MSI2: variants seen among roughly 807,000 people sequenced by gnomAD.
MSI2 encodes the protein musashi RNA binding protein 2.
A neutral mutation model predicts 45.6 loss-of-function variants in MSI2; 17 were observed. That is an observed-to-expected ratio of 0.37 (90% CI 0.26 to 0.56). The LOEUF (loss-of-function observed/expected upper bound fraction) is 0.56, where lower values mean the gene tolerates loss of function less well. MSI2 is among the 20% of genes least tolerant of loss of function. The pLI, the probability that MSI2 is intolerant of heterozygous loss-of-function variation, is 0.77. For missense variants in MSI2, 293 were observed against 444.2 expected (o/e 0.66, Z 3.06); for synonymous variants, 156 against 158.2 (o/e 0.99, Z 0.11).
intron 7 of MSI2, among the ~76,000 whole-genome samples, chr17:57,530,930 A>G (rs929620953): frequency 6.6e-6 from 1 of 151,272 alleles, no homozygotes; most frequent in Non-Finnish European, 1.5e-5. Flanking sequence ...TGGGTGCACA[A>G]CAGTGGTGTC....
At position 57,364,149 on chromosome 17, in the gene MSI2, GT is replaced by G. The variant is rs536611322; in HGVS notation, c.313-37226del. Among the ~76,000 whole-genome samples the G allele has an allele frequency of 2.9e-3, 445 of 152,284 alleles. 1 individual carries two copies. The highest frequency in any genetic ancestry group is 4.4e-3 in the Admixed American group (67 of 15,300). On this transcript the variant is annotated intron_variant, in intron 5 of 13. Coordinates refer to ENST00000284073, the MANE Select transcript of MSI2 (RefSeq NM_138962.4). ...GAGTTTGGTAACCGTCTGGGATTCT[GT>G]TTTGTTAGCCCTCTCTGTGAGACAC...
At chr17:57,693,857 C>T in the MSI2 span, among the ~76,000 whole-genome samples, 2 of 152,342 alleles carry the variant, frequency 1.3e-5, no homozygotes, top group East Asian at 3.9e-4. Flanking sequence ...AAGGGATCTG[C>T]AAACTATGGT....
chr17:57,454,705 G>GA (rs2085080937), intron 6 of MSI2, among the ~76,000 whole-genome samples: 1 of 152,196 alleles, frequency 6.6e-6, no homozygotes, highest in African/African-American at 2.4e-5. Context: ...AAAGTGCTGG[G>GA]ATTGCAGGCG....
chr17:57,450,281 A>AAGAGAGAAAGAGAGAAAGAG, intron 6 of MSI2: 1 of 115,540 alleles, frequency 8.7e-6, no homozygotes, highest in African/African-American at 3.4e-5. Flanking sequence ...GAAAGAAAGA[A>AAGAGAGAAAGAGAGAAAGAG]AGAAAGAAAG....
chr17:57,381,116 G>A (rs2144026334), intron 5 of MSI2, among the ~76,000 whole-genome samples: 1 of 152,276 alleles, frequency 6.6e-6, no homozygotes, highest in Admixed American at 6.5e-5. Context: ...TGCCCAGGCT[G>A]GAGGGCAGTG....
chr17:57,266,724 T>A (rs909661087), intron 5 of MSI2: 14 of 152,176 alleles, frequency 9.2e-5, no homozygotes, highest in African/African-American at 3.1e-4. Flanking sequence ...AAAATCTTAA[T>A]TGGAATGTAA....
intron 5 of MSI2, chr17:57,274,412 G>T (rs890944294): frequency 2.0e-5 from 3 of 152,126 alleles, no homozygotes; most frequent in Non-Finnish European, 4.4e-5. Context: ...GATGATGATG[G>T]TATCACCTTC....
intron 6 of MSI2, among the ~76,000 whole-genome samples, chr17:57,517,977 G>T (rs553616043): frequency 6.6e-6 from 1 of 152,276 alleles, no homozygotes; most frequent in South Asian, 2.1e-4. Flanking sequence ...CCAACTCTGC[G>T]TGTTTGTCAG....
intron 7 of MSI2, among the ~76,000 whole-genome samples, chr17:57,558,398 C>A (rs2087490542): frequency 1.3e-5 from 2 of 152,128 alleles, no homozygotes; most frequent in Non-Finnish European, 2.9e-5. Context: ...GCTGTTGAGG[C>A]CCCGCATCCT....
intron 6 of MSI2, among the ~76,000 whole-genome samples, chr17:57,488,554 G>A (rs1337326022): frequency 6.6e-6 from 1 of 152,112 alleles, no homozygotes; most frequent in Admixed American, 6.5e-5. Context: ...CGGGCGCAGT[G>A]GCTCACGCCT....
chr17:57,280,139 G>A lies in MSI2; in HGVS notation c.312+17947G>A, dbSNP rs1373330077. The A allele has an allele frequency of 6.6e-6, 1 of 152,246 alleles. No homozygotes were observed. The highest frequency in any genetic ancestry group is 1.5e-5 in the Non-Finnish European group (1 of 68,068). The allele number at this position is 152,246 out of a possible 1,614,324, so 9.4% of individuals were successfully genotyped here. A position where few individuals can be genotyped will look rare whatever the true frequency, so the allele number is the denominator to read the frequency against. On this transcript the variant is annotated intron_variant, in intron 5 of 13. Transcript: ENST00000284073. This position sits in a 1 kb window ranked among gnomAD's most constrained non-coding sequence, Gnocchi z 4.2. Reference sequence around the variant, plus strand: ...CATTTCATGTGCTGAGGGAAGAGAGGGTGGCTGGAATGCAGAGAGTGAGGA... The same window carrying A: ...CATTTCATGTGCTGAGGGAAGAGAGAGTGGCTGGAATGCAGAGAGTGAGGA...
chr17:57,487,112 G>T (rs1184933391), intron 6 of MSI2, among the ~76,000 whole-genome samples: 3 of 152,204 alleles, frequency 2.0e-5, no homozygotes, highest in Non-Finnish European at 4.4e-5. Context: ...GGGAAGTACA[G>T]AAGTGGGAAG....
intron 5 of MSI2, among the ~76,000 whole-genome samples, chr17:57,291,096 C>A (rs1211805329): frequency 2.6e-5 from 4 of 152,194 alleles, no homozygotes; most frequent in Non-Finnish European, 5.9e-5. Context: ...GCTCAGCCAG[C>A]ATCCCATACT....
chr17:57,359,283 A>C (rs1598166707), intron 5 of MSI2, among the ~76,000 whole-genome samples: 1 of 152,198 alleles, frequency 6.6e-6, no homozygotes, highest in East Asian at 1.9e-4. Context: ...TTTAATCTTT[A>C]TTTATTTTTA....
chr17:57,526,905 T>C (rs1319254463), intron 6 of MSI2, among the ~76,000 whole-genome samples: 1 of 152,144 alleles, frequency 6.6e-6, no homozygotes, highest in Non-Finnish European at 1.5e-5. Context: ...CTGTATTCTT[T>C]ATGACAATGG....
intron 6 of MSI2, among the ~76,000 whole-genome samples, chr17:57,462,475 C>T (rs2085249741): frequency 6.6e-6 from 1 of 152,210 alleles, no homozygotes; most frequent in Admixed American, 6.5e-5. Flanking sequence ...ATTCCCCTGC[C>T]CTTCTCTGAC....
intron 6 of MSI2, among the ~76,000 whole-genome samples, chr17:57,419,051 T>C (rs1168884577): frequency 6.6e-6 from 1 of 152,218 alleles, no homozygotes; most frequent in Admixed American, 6.5e-5. Context: ...GTATGAAATG[T>C]AATTTACACA....
At chr17:57,607,298 A>G (rs540159249) in intron 8 of MSI2, among the ~76,000 whole-genome samples, 31 of 152,308 alleles carry the variant, frequency 2.0e-4, no homozygotes, top group African/African-American at 7.0e-4. Context: ...AGGTCTCTCA[A>G]TGCCTTTTGC....
At chr17:57,640,035 C>G (rs1910132516) in intron 10 of MSI2, among the ~76,000 whole-genome samples, 1 of 152,312 alleles carries the variant, frequency 6.6e-6, no homozygotes, top group African/African-American at 2.4e-5. Flanking sequence ...CAGGATTCCA[C>G]TCTGGTGGAA....
Sources: gnomAD v4.1 joint callset for allele counts (sites outside exome capture counted in the v4.1 genomes callset) on GRCh38, gnomAD v4.1.1 for gene constraint, Gnocchi (gnomAD v3.1) non-coding constraint, MANE v1.5 for transcripts, NCBI Gene and HGNC (gene_info 2026-07-23, HGNC 2026-07-21) for gene names.